GALNT14: variants seen among roughly 807,000 people sequenced by gnomAD.
GALNT14 encodes polypeptide N-acetylgalactosaminyltransferase 14.
GALNT14 carries 60 observed loss-of-function variants against 77.5 expected under a neutral mutation model. The ratio of observed to expected loss-of-function variants is 0.77; its 90% confidence interval spans 0.63 to 0.96. The LOEUF is 0.96. GALNT14 is among the 40% of genes least tolerant of loss of function. The pLI is 0.00. For missense variants in GALNT14, 710 were observed against 731.0 expected, an observed-to-expected ratio of 0.97 and a Z score of 0.33; for synonymous variants, 280 against 281.7, an observed-to-expected ratio of 0.99 and a Z score of 0.06.
chr2:31,103,415 C>T (rs1424187612), intron 1 of GALNT14, among the ~76,000 whole-genome samples: 3 of 151,998 alleles, frequency 2.0e-5, no homozygotes, highest in South Asian at 2.1e-4. Context: ...GAGAAAGAGA[C>T]GTACATCCTG....
intron 1 of GALNT14, among the ~76,000 whole-genome samples, chr2:31,047,596 G>A (rs1673548110): frequency 6.6e-6 from 1 of 152,170 alleles, no homozygotes; most frequent in Non-Finnish European, 1.5e-5. Context: ...CTCCCTTCCA[G>A]ACCCAAAGTC....
intron 1 of GALNT14, among the ~76,000 whole-genome samples, chr2:30,997,869 A>G (rs986771350): frequency 6.6e-6 from 1 of 152,158 alleles, no homozygotes; most frequent in Non-Finnish European, 1.5e-5. Flanking sequence ...TGAAATATGC[A>G]ATATATTTTT....
rs77955951 is a variant in GALNT14 at position 30,928,502 on chromosome 2, T to C, written c.1151+893A>G. 4.7e-3 allele frequency among the ~76,000 whole-genome samples: 714 copies of C among 152,264 alleles called. 5 individuals carry two copies. Among genetic ancestry groups the C allele is most frequent in the African/African-American group, 0.016 (680 of 41,550 alleles). Reference sequence around the variant, plus strand: ...GCAAGAAGCTTAACCTGTAGAAGCCTCAGTCTCCTCATCTGTAAACCAGGA... The same window carrying C: ...GCAAGAAGCTTAACCTGTAGAAGCCCCAGTCTCCTCATCTGTAAACCAGGA... On this transcript the variant is annotated intron_variant, in intron 11 of 14. Coordinates refer to ENST00000349752, the MANE Select transcript of GALNT14 (RefSeq NM_024572.4).
At chr2:30,952,482 T>A (rs912670800) in intron 6 of GALNT14, among the ~76,000 whole-genome samples, 1 of 150,316 alleles carries the variant, frequency 6.7e-6, no homozygotes, top group Non-Finnish European at 1.5e-5. Flanking sequence ...AAATTGGAAA[T>A]CATCATTCTC....
At chr2:31,024,346 AACTC>A (rs1671913021) in intron 1 of GALNT14, among the ~76,000 whole-genome samples, 1 of 152,176 alleles carries the variant, frequency 6.6e-6, no homozygotes, top group African/African-American at 2.4e-5. Context: ...CTGGCTGCAC[AACTC>A]ACTCACGGAC....
intron 1 of GALNT14, among the ~76,000 whole-genome samples, chr2:31,052,739 G>A (rs1007440032): frequency 6.6e-6 from 1 of 152,206 alleles, no homozygotes; most frequent in African/African-American, 2.4e-5. Context: ...AGCTTCTTTT[G>A]CCTTCAAGTG....
At chr2:30,954,108 C>T (rs976645587) in intron 6 of GALNT14, among the ~76,000 whole-genome samples, 2 of 152,060 alleles carry the variant, frequency 1.3e-5, no homozygotes, top group African/African-American at 2.4e-5. Context: ...GAGCCGTGGA[C>T]GAGGCCCCAC....
chr2:31,062,426 G>A (rs531109522), intron 1 of GALNT14, among the ~76,000 whole-genome samples: 213 of 152,220 alleles, frequency 1.4e-3, no homozygotes, highest in African/African-American at 4.4e-3. Context: ...ATTCCATGGC[G>A]TATATGTGCC....
At chr2:31,070,950 T>G (rs6718847) in intron 1 of GALNT14, among the ~76,000 whole-genome samples, 10,521 of 152,124 alleles carry the variant, frequency 0.069, 400 homozygotes, top group African/African-American at 0.1. Flanking sequence ...AGAACCAGGG[T>G]CATGGGATTG....
intron 1 of GALNT14, among the ~76,000 whole-genome samples, chr2:31,011,030 C>T (rs1275051980): frequency 2.0e-5 from 3 of 152,170 alleles, no homozygotes; most frequent in Admixed American, 6.5e-5. Context: ...CCTAGGCCTA[C>T]AGGAATTAAC....
At chr2:30,900,122 C>A in the GALNT14 span, among the ~76,000 whole-genome samples, 1 of 152,166 alleles carries the variant, frequency 6.6e-6, no homozygotes, top group Non-Finnish European at 1.5e-5. Flanking sequence ...GTGGACCTCT[C>A]TTTGAAGGCC....
chr2:30,935,496 T>C (rs1291666710), intron 9 of GALNT14, among the ~76,000 whole-genome samples: 1 of 152,182 alleles, frequency 6.6e-6, no homozygotes, highest in African/African-American at 2.4e-5. Context: ...CGAGATGAGT[T>C]AAGAGTGTCT....
At position 30,910,820 on chromosome 2, in the gene GALNT14, G is replaced by C. The variant is rs901903380; in HGVS notation, c.*81C>G. The C allele has an allele frequency of 3.4e-6, 5 of 1,491,620 alleles. No homozygotes were observed. The highest frequency in any genetic ancestry group is 4.5e-6 in the Non-Finnish European group (5 of 1,100,188). The allele number at this position is 1,491,620 out of a possible 1,614,324, so 92.4% of individuals were successfully genotyped here. A position where few individuals can be genotyped will look rare whatever the true frequency, so the allele number is the denominator to read the frequency against. On this transcript the variant is annotated 3_prime_UTR_variant, in exon 15 of 15. Coordinates refer to ENST00000349752, the MANE Select transcript of GALNT14 (RefSeq NM_024572.4). ...TCCAGGATGTCTGAGGTGGTTGCAG[G>C]CTGCTTGCTGCCCAGTTTCCAGTCT...
Position 30,975,088 on chromosome 2 carries a change from G to C in GALNT14, c.300-8786C>G, listed in dbSNP as rs1334012631. 3.9e-5 allele frequency among the ~76,000 whole-genome samples: 6 copies of C among 152,232 alleles called. No individual in the cohort carries two copies. The South Asian group carries it at 1.2e-3, about 31-fold the overall frequency. Reference sequence around the variant, plus strand: ...ACTGAAGAAGAATCTGGAAGCTGAAGTATGGAGCCATGAGTTGGGGAGGGG... The same window carrying C: ...ACTGAAGAAGAATCTGGAAGCTGAACTATGGAGCCATGAGTTGGGGAGGGG... On this transcript the variant is annotated intron_variant, in intron 2 of 14. Transcript: ENST00000349752.
In GALNT14 at chr2:30,959,909, G is replaced by T. The variant is rs141629802; in HGVS notation, c.399-1445C>A. On this transcript the variant is annotated intron_variant, in intron 3 of 14. Coordinates refer to ENST00000349752, the MANE Select transcript of GALNT14 (RefSeq NM_024572.4). ...GGATTCCCTGTGATGTTGGAGAGGG[G>T]GTTCAGAATGGGTGCAGGTGGAGGC... Among the ~76,000 whole-genome samples the T allele has an allele frequency of 3.5e-3, 536 of 152,238 alleles. 3 individuals are homozygous for T. The highest frequency in any genetic ancestry group is 6.2e-3 in the Admixed American group (95 of 15,298).
chr2:30,915,463 C>T (rs1482937004), intron 13 of GALNT14, among the ~76,000 whole-genome samples: 3 of 152,162 alleles, frequency 2.0e-5, no homozygotes, highest in African/African-American at 7.2e-5. Context: ...AGGCTGATGT[C>T]TGGCCACATC....
At chr2:31,104,559 G>A (rs1307355117) in intron 1 of GALNT14, among the ~76,000 whole-genome samples, 5 of 152,084 alleles carry the variant, frequency 3.3e-5, no homozygotes, top group Admixed American at 1.3e-4. Context: ...TCACTTCCAG[G>A]TCCAGGATCC....
At chr2:30,971,673 T>C (rs1351345417) in intron 2 of GALNT14, among the ~76,000 whole-genome samples, 1 of 152,154 alleles carries the variant, frequency 6.6e-6, no homozygotes, top group African/African-American at 2.4e-5. Flanking sequence ...GAAAGTGCTC[T>C]GAGATGCTAA....
the GALNT14 span, among the ~76,000 whole-genome samples, chr2:30,889,966 G>A: frequency 6.6e-6 from 1 of 152,152 alleles, no homozygotes; most frequent in Admixed American, 6.5e-5. Flanking sequence ...TAAACCGTGA[G>A]TATTTTTAGT....
Sources: allele counts gnomAD v4.1 joint callset (sites outside exome capture counted in the v4.1 genomes callset), GRCh38; gene constraint gnomAD v4.1.1; transcripts MANE v1.5; gene names NCBI Gene and HGNC (gene_info 2026-07-23, HGNC 2026-07-21).